The following UBE3B variants were observed in gnomAD, a reference collection of about 807,000 sequenced individuals.
UBE3B encodes ubiquitin-protein ligase E3B.
In UBE3B, 80 loss-of-function variants were observed where a neutral mutation model predicts 132.3. The observed-to-expected ratio is 0.60, with a 90% CI of 0.50 to 0.73. The LOEUF is 0.73. Ranked by LOEUF, UBE3B falls within the 30% of genes least tolerant of loss-of-function variation. The pLI is 0.00. For missense variants in UBE3B, 1,196 were observed against 1,362.5 expected (o/e 0.88, Z 1.92); for synonymous variants, 487 against 520.4 (o/e 0.94, Z 0.87).
Position 109,486,780 on chromosome 12 carries a change from C to T in UBE3B, c.447+205C>T, listed in dbSNP as rs145635869. Reference sequence around the variant, plus strand: ...TGTTGGACCCTTAAACTGCTTGCCACGCCACAGCCTCCATGGCAGGGAATC... The same window carrying T: ...TGTTGGACCCTTAAACTGCTTGCCATGCCACAGCCTCCATGGCAGGGAATC... On this transcript the variant is annotated intron_variant, in intron 6 of 27. Coordinates refer to ENST00000342494, the MANE Select transcript of UBE3B (RefSeq NM_130466.4). Among the ~76,000 whole-genome samples, 387 of 152,186 alleles carry T rather than the reference C, an allele frequency of 2.5e-3. 3 individuals carry two copies. Among genetic ancestry groups the T allele is most frequent in the African/African-American group, 9.0e-3 (372 of 41,498 alleles).
intron 7 of UBE3B, among the ~76,000 whole-genome samples, chr12:109,489,485 G>T (rs1019897530): frequency 6.6e-6 from 1 of 152,212 alleles, no homozygotes; most frequent in South Asian, 2.1e-4. Flanking sequence ...GGTCAGCAAG[G>T]AGGGCTTATT....
intron 24 of UBE3B, chr12:109,528,345 C>T: frequency 1.0e-6 from 1 of 985,356 alleles, no homozygotes; most frequent in Non-Finnish European, 1.2e-6. Flanking sequence ...CAGTACTCGT[C>T]ACCTGCTTCA....
chr12:109,507,592 C>G lies in UBE3B; in HGVS notation c.1479C>G (p.Pro493=). 17 of 1,613,954 alleles carry G rather than the reference C, an allele frequency of 1.1e-5. No individual in the cohort carries two copies. Among genetic ancestry groups the G allele is most frequent in the Non-Finnish European group, 1.4e-5 (17 of 1,179,964 alleles). ...TCACTTACCTTGATGACCTGCTTCC[C>G]AAACTGTGGGCATTTATCTGTGAGC... The part of the protein sequence containing the change: ...TGLTYLDDLL[P]KLWAFICELG... Residue 493 remains proline (P), a synonymous_variant, in exon 15 of 28, where the codon CCC becomes CCG. Coordinates refer to ENST00000342494, the MANE Select transcript of UBE3B (RefSeq NM_130466.4).
At chr12:109,527,538 G>T (rs561565830) in intron 24 of UBE3B, among the ~76,000 whole-genome samples, 1 of 152,334 alleles carries the variant, frequency 6.6e-6, no homozygotes, top group Admixed American at 6.5e-5. Flanking sequence ...GGATCAGGTG[G>T]TTCAGTCAGT....
intron 18 of UBE3B, among the ~76,000 whole-genome samples, chr12:109,511,694 G>A (rs957008347): frequency 3.9e-5 from 6 of 152,162 alleles, no homozygotes; most frequent in South Asian, 2.1e-4. Context: ...AGAGGAAGCC[G>A]AGGAGGGTAG....
In UBE3B at chr12:109,507,739, G is replaced by A; in HGVS notation, c.1622+4G>A. ...ACTGTTCGCGGCACCTCATCACGTA[G>A]GTTGACTGCTGTGGGACTGAATTCC... On this transcript the variant is annotated splice_donor_region_variant and intron_variant, in intron 15 of 27. Transcript: ENST00000342494. The A allele has an allele frequency of 6.2e-7, 1 of 1,609,878 alleles. No individual in the cohort carries two copies. Among genetic ancestry groups the A allele is most frequent in the Non-Finnish European group, 8.5e-7 (1 of 1,177,652 alleles).
intron 26 of UBE3B, 107 bp from the exon 27 acceptor site, chr12:109,533,359 T>C: frequency 9.2e-7 from 1 of 1,087,480 alleles, no homozygotes; most frequent in Non-Finnish European, 1.4e-6. Flanking sequence ...AGACAGCAGT[T>C]ACAACACGGT....
At chr12:109,494,823 A>G (rs971546987) in intron 9 of UBE3B, among the ~76,000 whole-genome samples, 1 of 152,124 alleles carries the variant, frequency 6.6e-6, no homozygotes, top group Admixed American at 6.6e-5. Context: ...GCTTCCACTG[A>G]TACGTCGCTC....
chr12:109,508,499 G>A (rs1879961659), intron 15 of UBE3B: 1 of 984,504 alleles, frequency 1.0e-6, no homozygotes, highest in Non-Finnish European at 1.2e-6. Flanking sequence ...TTGTGTGTTT[G>A]GTATTCTTTT....
chr12:109,480,878 A>G (rs1189045400), intron 1 of UBE3B, among the ~76,000 whole-genome samples: 1 of 152,148 alleles, frequency 6.6e-6, no homozygotes, highest in Non-Finnish European at 1.5e-5. Context: ...AGTTCATGCT[A>G]GTTTTGTATC....
chr12:109,490,975 T>C (rs895867477), intron 8 of UBE3B, 70 bp from the exon 9 acceptor site: 9 of 1,522,020 alleles, frequency 5.9e-6, no homozygotes, highest in East Asian at 2.3e-5. Context: ...AGTTTACTTT[T>C]TTGCTCTTTT....
chr12:109,501,662 T>C, intron 13 of UBE3B, 128 bp downstream of exon 13: 1 of 1,180,570 alleles, frequency 8.5e-7, no homozygotes, highest in Non-Finnish European at 1.2e-6. Flanking sequence ...TTATCGTTCT[T>C]GTTGTTAGAG....
chr12:109,486,580 C>CAAAA lies in UBE3B; in HGVS notation c.447+25_447+28dup, dbSNP rs201336062. 3.3e-4 allele frequency: 187 copies of CAAAA among 562,644 alleles called. No individual in the cohort carries two copies. Among genetic ancestry groups the CAAAA allele is most frequent in the Middle Eastern group, 1.3e-3 (2 of 1,534 alleles). 34.9% of individuals were successfully genotyped at this position (562,644 alleles called of 1,614,324 possible). ...GATTTTCTCAAGCAGCTCAAGGTAA[C>CAAAA]AAAAAAAAAAAAAAAAAAAAAAAGC... is the stretch of plus-strand genomic sequence containing the variant. On this transcript the variant is annotated splice_donor_region_variant and intron_variant, in intron 6 of 27. Transcript: ENST00000342494.
At chr12:109,505,633 C>T (rs921006330) in intron 14 of UBE3B, among the ~76,000 whole-genome samples, 3 of 152,216 alleles carry the variant, frequency 2.0e-5, no homozygotes, top group Admixed American at 1.3e-4. Context: ...TCATCACCAA[C>T]AGATCAAGAA....
Position 109,521,575 on chromosome 12 carries a change from A to G in UBE3B, c.2364+24A>G. 1 of 1,523,932 alleles carries G rather than the reference A, an allele frequency of 6.6e-7. No individual in the cohort carries two copies. Among genetic ancestry groups the G allele is most frequent in the Non-Finnish European group, 8.8e-7 (1 of 1,132,320 alleles). 94.4% of individuals were successfully genotyped at this position (1,523,932 alleles called of 1,614,324 possible). ...AGGTAGGAACGTTAAGAAACAGAGA[A>G]ATGTAAAATAAAATGTTAACGGTAC... On this transcript the variant is annotated intron_variant, in intron 21 of 27. Transcript: ENST00000342494. This position sits in a 1 kb window ranked among gnomAD's most constrained non-coding sequence, Gnocchi z 4.2.
At position 109,524,500 on chromosome 12, in the gene UBE3B, T is replaced by G; in HGVS notation, c.2565T>G (p.Gly855=). The G allele has an allele frequency of 6.2e-7, 1 of 1,614,022 alleles. No individual in the cohort carries two copies. Among genetic ancestry groups the G allele is most frequent in the Non-Finnish European group, 8.5e-7 (1 of 1,179,926 alleles). The change falls in exon 23 of 28, where the codon GGT becomes GGG. Residue 855 remains glycine, a synonymous_variant. Transcript: ENST00000342494. ...LTLSYDEDVM[G]QLVCHELIPG... is the part of the protein sequence containing the mutation. Reference sequence around the variant, plus strand: ...TGTCTTACGACGAGGACGTCATGGGTCAGGTAGGTCCGCCCTTTGGCTGAG... The same window carrying G: ...TGTCTTACGACGAGGACGTCATGGGGCAGGTAGGTCCGCCCTTTGGCTGAG...
chr12:109,543,381 G>GA, the UBE3B span, among the ~76,000 whole-genome samples: 1 of 152,006 alleles, frequency 6.6e-6, no homozygotes, highest in Non-Finnish European at 1.5e-5. Flanking sequence ...GGGGTCAGCG[G>GA]CTGGTAACAC....
chr12:109,477,660 G>A lies in UBE3B; in HGVS notation c.-577G>A. The A allele has an allele frequency of 4.6e-6, 1 of 218,220 alleles. No homozygotes were observed. Among genetic ancestry groups the A allele is most frequent in the Non-Finnish European group, 9.3e-6 (1 of 107,806 alleles). The allele number at this position is 218,220 out of a possible 1,614,324, so 13.5% of individuals were successfully genotyped here. A position where few individuals can be genotyped will look rare whatever the true frequency, so the allele number is the denominator to read the frequency against. ...AACACCGCGGGGCAAGATGGCGGTA[G>A]TGCGTCGGCTGCTGCCCCGGGTCTG... On this transcript the variant is annotated 5_prime_UTR_variant, in exon 1 of 28. The change creates a new upstream start codon in the 5' untranslated region. Coordinates refer to ENST00000342494, the MANE Select transcript of UBE3B (RefSeq NM_130466.4).
chr12:109,496,624 C>G (rs886459723), intron 9 of UBE3B, among the ~76,000 whole-genome samples: 1 of 152,170 alleles, frequency 6.6e-6, no homozygotes, highest in African/African-American at 2.4e-5. Context: ...ATTTACAATT[C>G]CCTGGTAGTT....
Sources: allele counts gnomAD v4.1 joint callset (sites outside exome capture counted in the v4.1 genomes callset), GRCh38; gene constraint gnomAD v4.1.1; non-coding constraint Gnocchi (gnomAD v3.1); transcripts MANE v1.5; gene names NCBI Gene and HGNC (gene_info 2026-07-23, HGNC 2026-07-21).